Variants in XKR9 observed in about 807,000 individuals in gnomAD.
XKR9 encodes the protein XK-related protein 9.
Under a neutral mutation model 32.0 loss-of-function variants are expected in XKR9, and 32 were observed. That is an observed-to-expected ratio of 1.00 (90% CI 0.76 to 1.34). The LOEUF is 1.34. XKR9 is among the 40% of genes most tolerant of loss of function. XKR9 has a pLI of 0.00. For missense variants in XKR9, 546 were observed against 429.7 expected (o/e 1.27, Z -2.39); for synonymous variants, 168 against 143.4 (o/e 1.17, Z -1.22).
chr8:70,841,689 A>G, the XKR9 span, among the ~76,000 whole-genome samples: 1 of 152,156 alleles, frequency 6.6e-6, no homozygotes, highest in Non-Finnish European at 1.5e-5. Context: ...TGTTCCTTCA[A>G]TTTGAGTTTT....
the XKR9 span, among the ~76,000 whole-genome samples, chr8:70,983,626 C>G: frequency 2.0e-5 from 3 of 151,964 alleles, no homozygotes; most frequent in South Asian, 6.2e-4. Flanking sequence ...ACTAAAAATA[C>G]AAAAATTAGC....
At chr8:70,990,134 G>A in the XKR9 span, among the ~76,000 whole-genome samples, 1 of 152,200 alleles carries the variant, frequency 6.6e-6, no homozygotes, top group Non-Finnish European at 1.5e-5. Flanking sequence ...GCAGAGGATA[G>A]TAATTATAAT....
chr8:70,701,772 G>T (rs752982409), intron 3 of XKR9, among the ~76,000 whole-genome samples: 2 of 152,144 alleles, frequency 1.3e-5, no homozygotes, highest in Non-Finnish European at 2.9e-5. Flanking sequence ...TATTAGGTAT[G>T]TGTGCCTCTT....
chr8:70,744,315 A>G (rs1475226206), intron 2 of XKR9, among the ~76,000 whole-genome samples: 1 of 152,168 alleles, frequency 6.6e-6, no homozygotes, highest in Non-Finnish European at 1.5e-5. Context: ...CGCCTCAAAA[A>G]AAAAAAATCT....
the XKR9 span, among the ~76,000 whole-genome samples, chr8:70,895,212 G>A: frequency 6.6e-6 from 1 of 152,092 alleles, no homozygotes; most frequent in Non-Finnish European, 1.5e-5. Context: ...GATCCCATTT[G>A]GGGGATGGGG....
chr8:70,812,429 A>G, the XKR9 span, among the ~76,000 whole-genome samples: 1 of 152,186 alleles, frequency 6.6e-6, no homozygotes, highest in Non-Finnish European at 1.5e-5. Context: ...GTAGTGTTGG[A>G]AGTTCTGGCC....
At chr8:70,831,557 T>A in the XKR9 span, among the ~76,000 whole-genome samples, 1 of 152,154 alleles carries the variant, frequency 6.6e-6, no homozygotes, top group Non-Finnish European at 1.5e-5. Context: ...CCCTCCTTTT[T>A]ATCATCTTTT....
At chr8:70,913,161 G>C in the XKR9 span, among the ~76,000 whole-genome samples, 2 of 152,104 alleles carry the variant, frequency 1.3e-5, no homozygotes, top group Non-Finnish European at 2.9e-5. Flanking sequence ...CTATTGAGTG[G>C]GAATTTCTGC....
At chr8:70,821,458 A>C in the XKR9 span, among the ~76,000 whole-genome samples, 9 of 152,174 alleles carry the variant, frequency 5.9e-5, no homozygotes, top group African/African-American at 2.2e-4. Context: ...TTACAGCTCC[A>C]CTAGGCAGCT....
the XKR9 span, among the ~76,000 whole-genome samples, chr8:70,868,989 A>G: frequency 6.6e-6 from 1 of 152,184 alleles, no homozygotes; most frequent in African/African-American, 2.4e-5. Context: ...TCTCTTTGCT[A>G]AAACATAACA....
chr8:70,796,476 A>G, the XKR9 span, among the ~76,000 whole-genome samples: 10 of 151,692 alleles, frequency 6.6e-5, no homozygotes, highest in African/African-American at 2.2e-4. Flanking sequence ...CTTTTTGTCA[A>G]TCTTGCTAAA....
the XKR9 span, among the ~76,000 whole-genome samples, chr8:70,965,497 T>C: frequency 6.6e-6 from 1 of 152,190 alleles, no homozygotes; most frequent in South Asian, 2.1e-4. Context: ...TCGTTTTCAA[T>C]TGTTTGGAAT....
chr8:71,031,319 G>A, the XKR9 span, among the ~76,000 whole-genome samples: 1 of 151,894 alleles, frequency 6.6e-6, no homozygotes, highest in African/African-American at 2.4e-5. Context: ...AATTTCATGG[G>A]TATTAAATAT....
chr8:70,963,280 C>CTT, the XKR9 span, among the ~76,000 whole-genome samples: 3 of 152,172 alleles, frequency 2.0e-5, no homozygotes, highest in Non-Finnish European at 2.9e-5. Context: ...CACTCATGTC[C>CTT]TGCAAAGGAC....
At chr8:70,945,039 G>A in the XKR9 span, among the ~76,000 whole-genome samples, 2 of 152,216 alleles carry the variant, frequency 1.3e-5, no homozygotes, top group Non-Finnish European at 2.9e-5. Context: ...ACCTCCCAGT[G>A]TGGAACTGGG....
chr8:70,699,954 C>G (rs1437009989), intron 3 of XKR9, among the ~76,000 whole-genome samples: 1 of 152,200 alleles, frequency 6.6e-6, no homozygotes, highest in Admixed American at 6.5e-5. Flanking sequence ...CACTGATACC[C>G]TTTCTTCCAG....
At chr8:70,865,526 T>G in the XKR9 span, among the ~76,000 whole-genome samples, 2 of 152,158 alleles carry the variant, frequency 1.3e-5, no homozygotes, top group African/African-American at 4.8e-5. Flanking sequence ...ATTTTCAATT[T>G]TTTTAAAGTT....
At chr8:70,775,664 A>T (rs1021246476) in intron 2 of XKR9, among the ~76,000 whole-genome samples, 27 of 152,028 alleles carry the variant, frequency 1.8e-4, no homozygotes, top group African/African-American at 6.3e-4. Flanking sequence ...ATGATGTATT[A>T]TACCTTTTAT....
At chr8:70,833,568 C>A in the XKR9 span, among the ~76,000 whole-genome samples, 1 of 152,086 alleles carries the variant, frequency 6.6e-6, no homozygotes, top group Non-Finnish European at 1.5e-5. Context: ...CTCCACTGCC[C>A]CCACAACTTC....
Sources: allele counts gnomAD v4.1 joint callset (sites outside exome capture counted in the v4.1 genomes callset), GRCh38; gene constraint gnomAD v4.1.1; transcripts MANE v1.5; gene names NCBI Gene and HGNC (gene_info 2026-07-23, HGNC 2026-07-21).